Variants in MAP4 observed in about 807,000 individuals in gnomAD.
MAP4 encodes the protein microtubule associated protein 4.
Under a neutral mutation model 170.2 loss-of-function variants are expected in MAP4, and 76 were observed. The observed-to-expected ratio is 0.45, with a 90% CI of 0.37 to 0.54. MAP4 has a LOEUF of 0.54. MAP4 is among the 20% of genes least tolerant of loss of function. The pLI, the probability that MAP4 is intolerant of heterozygous loss-of-function variation, is 0.00. For missense variants in MAP4, 2,506 were observed against 2,748.0 expected, an observed-to-expected ratio of 0.91 and a Z score of 1.97; for synonymous variants, 909 against 994.5, an observed-to-expected ratio of 0.91 and a Z score of 1.62.
chr3:48,006,560 C>G (rs902307309), intron 1 of MAP4, among the ~76,000 whole-genome samples: 2 of 152,226 alleles, frequency 1.3e-5, no homozygotes, highest in African/African-American at 4.8e-5. Context: ...AACCCCCACA[C>G]TGGCTCCCTG....
At chr3:47,867,010 C>G (rs1247626981) in intron 17 of MAP4, among the ~76,000 whole-genome samples, 1 of 152,140 alleles carries the variant, frequency 6.6e-6, no homozygotes, top group Non-Finnish European at 1.5e-5. Flanking sequence ...AGCCTCCCAC[C>G]CATATGGGTA....
At chr3:47,881,674 T>G (rs944931709) in intron 10 of MAP4, among the ~76,000 whole-genome samples, 2 of 151,536 alleles carry the variant, frequency 1.3e-5, no homozygotes, top group African/African-American at 4.8e-5. Flanking sequence ...CATGGCTGAC[T>G]GTACTCACTG....
At chr3:47,954,531 C>T (rs1043770738) in intron 3 of MAP4, among the ~76,000 whole-genome samples, 4 of 152,166 alleles carry the variant, frequency 2.6e-5, no homozygotes, top group African/African-American at 9.7e-5. Flanking sequence ...AATTTCTAGA[C>T]CCAAGTCAAT....
chr3:47,967,012 C>T (rs762760112), intron 3 of MAP4, among the ~76,000 whole-genome samples: 5 of 152,144 alleles, frequency 3.3e-5, no homozygotes, highest in Non-Finnish European at 7.4e-5. Context: ...AAACATTGTT[C>T]AGATTTTGAG....
At chr3:47,995,840 G>C (rs953311313) in intron 2 of MAP4, among the ~76,000 whole-genome samples, 21 of 152,162 alleles carry the variant, frequency 1.4e-4, no homozygotes, top group African/African-American at 5.1e-4. Flanking sequence ...CAGCTCTCCT[G>C]TATCAGAGCA....
rs947824812 is a variant in MAP4, at chr3:47,942,488, T to C, written c.293-14138A>G. On this transcript the variant is annotated intron_variant, in intron 3 of 20. Transcript: ENST00000683076. ...CTCACTGCAGCCTTGACTGAGCTCC[T>C]GGCCCCAAGTGATTCTCCCACATCA... Among the ~76,000 whole-genome samples, 3 of 152,182 alleles carry C rather than the reference T, an allele frequency of 2.0e-5. No individual in the cohort carries two copies. In the East Asian group the frequency reaches 5.8e-4, roughly 29 times the overall value.
intron 1 of MAP4, among the ~76,000 whole-genome samples, chr3:48,076,427 G>A (rs938605150): frequency 6.6e-6 from 1 of 151,760 alleles, no homozygotes; most frequent in South Asian, 2.1e-4. Context: ...GCATGAACCC[G>A]GGAGGTGGAG....
Position 47,910,646 on chromosome 3 carries a change from C to T in MAP4, c.3775G>A (p.Glu1259Lys), listed in dbSNP as rs1270649348. The T allele has an allele frequency of 6.5e-7, 1 of 1,536,086 alleles. No individual in the cohort carries two copies. The highest frequency in any genetic ancestry group is 1.4e-5 in the African/African-American group (1 of 73,156). ...DTGSIPHKSK[E>K]IGFTFPKMHD... ...ATTTTGGGGAAAGTAAATCCTATTT[C>T]CTTGCTTTTATGGGGAATACTACCA... Residue 1259 changes from glutamate to lysine, a missense_variant, in exon 9 of 21, where the codon GAA becomes AAA. Transcript: ENST00000683076.
At chr3:47,988,010 C>T (rs1013337403) in intron 2 of MAP4, among the ~76,000 whole-genome samples, 3 of 151,962 alleles carry the variant, frequency 2.0e-5, no homozygotes, top group Non-Finnish European at 2.9e-5. Context: ...CTGGCTAACA[C>T]GGTGAAACCC....
At chr3:47,861,655 C>G (rs1156910323) in intron 17 of MAP4, among the ~76,000 whole-genome samples, 2 of 151,664 alleles carry the variant, frequency 1.3e-5, no homozygotes, top group Non-Finnish European at 2.9e-5. Flanking sequence ...CCAGCCAAGA[C>G]TCTGTCTTTA....
chr3:47,919,546 G>A (rs1207610223), intron 5 of MAP4, among the ~76,000 whole-genome samples: 1 of 151,812 alleles, frequency 6.6e-6, no homozygotes, highest in Non-Finnish European at 1.5e-5. Context: ...CTGACCTCAT[G>A]ATCCACCCGC....
At chr3:47,878,633 C>T (rs2096016333) in intron 10 of MAP4, among the ~76,000 whole-genome samples, 1 of 152,056 alleles carries the variant, frequency 6.6e-6, no homozygotes, top group African/African-American at 2.4e-5. Flanking sequence ...TCTGTCTCCC[C>T]ATTCAAACAA....
intron 2 of MAP4, among the ~76,000 whole-genome samples, chr3:47,981,234 G>GCTTCCT (rs1368735510): frequency 6.6e-6 from 1 of 152,078 alleles, no homozygotes; most frequent in Non-Finnish European, 1.5e-5. Flanking sequence ...TACCGATACA[G>GCTTCCT]GAAGATAACA....
In MAP4 at chr3:47,970,878, G is replaced by A. The variant is rs763199869; in HGVS notation, c.292+6987C>T. On this transcript the variant is annotated intron_variant, in intron 3 of 20. Transcript: ENST00000683076. ...ATTTTCACTTAAAGCTCAAGAAGAA[G>A]CTATTTTGTCTTATTCAATACAAAG... 5.5e-4 allele frequency among the ~76,000 whole-genome samples: 83 copies of A among 152,104 alleles called. 1 individual carries two copies. Among genetic ancestry groups the A allele is most frequent in the African/African-American group, 1.8e-3 (76 of 41,414 alleles).
chr3:48,018,615 CCAA>C (rs1212019703), upstream of MAP4, among the ~76,000 whole-genome samples: 1 of 151,940 alleles, frequency 6.6e-6, no homozygotes, highest in Non-Finnish European at 1.5e-5. Flanking sequence ...ACCATCCTGG[CCAA>C]CAAGGTGAAA....
intron 3 of MAP4, among the ~76,000 whole-genome samples, chr3:47,949,465 CAAAAAAAAAAAA>C (rs60076214): frequency 5.4e-4 from 38 of 70,944 alleles, no homozygotes; most frequent in East Asian, 4.6e-3. Flanking sequence ...GACTGCGTCC[CAAAAAAAAAAAA>C]AAAAAAAAAA....
At chr3:47,863,444 G>C (rs542378535) in intron 17 of MAP4, among the ~76,000 whole-genome samples, 2 of 151,962 alleles carry the variant, frequency 1.3e-5, no homozygotes, top group Admixed American at 1.3e-4. Flanking sequence ...CAGCCTCAGG[G>C]AACCATGTGC....
At chr3:47,890,257 A>G (rs2098330130) in intron 10 of MAP4, among the ~76,000 whole-genome samples, 1 of 152,132 alleles carries the variant, frequency 6.6e-6, no homozygotes, top group Admixed American at 6.6e-5. Context: ...GGCCAGGAAG[A>G]AAGACACAAA....
At chr3:47,913,488 TC>T (rs1428137416) in intron 8 of MAP4, among the ~76,000 whole-genome samples, 1 of 152,220 alleles carries the variant, frequency 6.6e-6, no homozygotes, top group Non-Finnish European at 1.5e-5. Context: ...TTCAGTGCCA[TC>T]TTTTATACTA....
Sources: gnomAD v4.1 joint callset for allele counts (sites outside exome capture counted in the v4.1 genomes callset) on GRCh38, gnomAD v4.1.1 for gene constraint, MANE v1.5 for transcripts, NCBI Gene and HGNC (gene_info 2026-07-23, HGNC 2026-07-21) for gene names.